COX6B1: variants seen among roughly 807,000 people sequenced by gnomAD.
The protein encoded by COX6B1 is cytochrome c oxidase subunit 6B1, also known as COX VIb-1.
Under a neutral mutation model 14.0 loss-of-function variants are expected in COX6B1, and 2 were observed. That is an observed-to-expected ratio of 0.14 (90% CI 0.06 to 0.45). The LOEUF (loss-of-function observed/expected upper bound fraction) is 0.45, where lower values mean the gene tolerates loss of function less well. COX6B1 is among the 20% of genes least tolerant of loss of function. COX6B1 has a pLI of 0.98. For missense variants in COX6B1, 81 were observed against 114.2 expected, an observed-to-expected ratio of 0.71 and a Z score of 1.33; for synonymous variants, 30 against 39.7, an observed-to-expected ratio of 0.76 and a Z score of 0.92.
intron 2 of COX6B1, 26 bp from the exon 3 acceptor site, chr19:35,654,545 G>T: frequency 3.1e-6 from 5 of 1,603,036 alleles, no homozygotes; most frequent in Non-Finnish European, 4.3e-6. Context: ...CTTGATCTGG[G>T]CTGACTTGAA....
chr19:35,655,905 T>G (rs1967884554), intron 3 of COX6B1, among the ~76,000 whole-genome samples: 2 of 151,884 alleles, frequency 1.3e-5, no homozygotes, highest in Non-Finnish European at 2.9e-5. Flanking sequence ...TTGCCCAGAC[T>G]GGAGTGCAGT....
At chr19:35,651,387 A>G in intron 2 of COX6B1, 38 bp downstream of exon 2, 1 of 1,511,800 alleles carries the variant, frequency 6.6e-7, no homozygotes. Flanking sequence ...ACCTCGAGTC[A>G]CTCACCGCTT....
At chr19:35,648,981 G>C (rs1052590695) in intron 1 of COX6B1, 4 of 528,668 alleles carry the variant, frequency 7.6e-6, no homozygotes, top group Non-Finnish European at 1.6e-5. Context: ...CCGAAAGACT[G>C]TTTTAGTGCT....
chr19:35,657,221 G>A (rs771390220), intron 3 of COX6B1, among the ~76,000 whole-genome samples: 1 of 151,612 alleles, frequency 6.6e-6, no homozygotes, highest in African/African-American at 2.4e-5. Context: ...TCCCATCTGG[G>A]GGTGATGGGA....
chr19:35,655,279 C>G (rs1002809803), intron 3 of COX6B1, among the ~76,000 whole-genome samples: 2 of 152,166 alleles, frequency 1.3e-5, no homozygotes, highest in South Asian at 2.1e-4. Flanking sequence ...CCACCTGCCT[C>G]GGCCTCCCAG....
At chr19:35,651,212 A>G (rs2146369929) in intron 1 of COX6B1, 21 bp from the exon 2 acceptor site, 1 of 1,556,024 alleles carries the variant, frequency 6.4e-7, no homozygotes, top group Non-Finnish European at 8.9e-7. Context: ...CCCTGCTGAC[A>G]CCCACTCCTT....
At position 35,658,660 on chromosome 19, in the gene COX6B1, T is replaced by C. The variant is rs769120723; in HGVS notation, c.*13T>C. ...CGGGAAGATCTGAACTGGCTGCATC[T>C]CCCTTTCCTCTGTCCTCCATCCTTC... On this transcript the variant is annotated 3_prime_UTR_variant, in exon 4 of 4. Coordinates refer to ENST00000649813, the MANE Select transcript of COX6B1 (RefSeq NM_001863.5). 1 of 1,613,060 alleles carries C rather than the reference T, an allele frequency of 6.2e-7. No individual in the cohort carries two copies. Among genetic ancestry groups the C allele is most frequent in the East Asian group, 2.2e-5 (1 of 44,868 alleles).
At chr19:35,651,427 GCCT>G (rs1337729998) in intron 2 of COX6B1, 78 bp downstream of exon 2, 2 of 1,045,454 alleles carry the variant, frequency 1.9e-6, no homozygotes, top group Admixed American at 3.8e-5. Context: ...ATCCACCCCA[GCCT>G]CCTCCCTTTT....
At chr19:35,654,467 C>A in intron 2 of COX6B1, 104 bp from the exon 3 acceptor site, 1 of 915,626 alleles carries the variant, frequency 1.1e-6, no homozygotes, top group Non-Finnish European at 1.8e-6. Flanking sequence ...GAGATCGCAC[C>A]ACTGCACTCC....
intron 3 of COX6B1, among the ~76,000 whole-genome samples, chr19:35,656,968 C>T (rs1363647132): frequency 6.6e-6 from 1 of 152,138 alleles, no homozygotes; most frequent in Non-Finnish European, 1.5e-5. Flanking sequence ...GTTATCCATG[C>T]TTTCATCCAC....
intron 3 of COX6B1, among the ~76,000 whole-genome samples, chr19:35,658,195 T>C (rs1967908397): frequency 1.3e-5 from 2 of 152,294 alleles, no homozygotes; most frequent in South Asian, 4.1e-4. Context: ...TGAAGATCCA[T>C]CCATTCATGC....
intron 2 of COX6B1, among the ~76,000 whole-genome samples, chr19:35,653,667 G>A (rs1389169858): frequency 6.7e-6 from 1 of 148,956 alleles, no homozygotes; most frequent in Non-Finnish European, 1.5e-5. Flanking sequence ...TGCAAGCTCC[G>A]CCTCCTGGGT....
Position 35,658,679 on chromosome 19 carries a change from A to C in COX6B1, c.*32A>C. ...TGCATCTCCCTTTCCTCTGTCCTCC[A>C]TCCTTCTCCCAGGATGGTGAAGGGG... On this transcript the variant is annotated 3_prime_UTR_variant, in exon 4 of 4. Coordinates refer to ENST00000649813, the MANE Select transcript of COX6B1 (RefSeq NM_001863.5). 1 of 1,608,394 alleles carries C rather than the reference A, an allele frequency of 6.2e-7. No individual in the cohort carries two copies. Among genetic ancestry groups the C allele is most frequent in the Non-Finnish European group, 8.5e-7 (1 of 1,175,022 alleles).
chr19:35,650,853 C>T (rs988754812), intron 1 of COX6B1, among the ~76,000 whole-genome samples: 1 of 152,086 alleles, frequency 6.6e-6, no homozygotes. Context: ...GCCGTTTAAC[C>T]GTAGGAAGTC....
chr19:35,651,218 T>G lies in COX6B1; in HGVS notation c.-11-15T>G, dbSNP rs761908641. ...CCCTGGGGCCCCTGCTGACACCCAC[T>G]CCTTTCGCCTCCAGGATTCAGCACC... On this transcript the variant is annotated splice_polypyrimidine_tract_variant and intron_variant, in intron 1 of 3. Coordinates refer to ENST00000649813, the MANE Select transcript of COX6B1 (RefSeq NM_001863.5). 2 of 1,583,378 alleles carry G rather than the reference T, an allele frequency of 1.3e-6. No homozygotes were observed. Among genetic ancestry groups the G allele is most frequent in the South Asian group, 2.2e-5 (2 of 90,482 alleles).
chr19:35,650,249 C>T (rs145603498), intron 1 of COX6B1, among the ~76,000 whole-genome samples: 2,992 of 152,202 alleles, frequency 0.02, 56 homozygotes, highest in South Asian at 0.11. Context: ...GGTGATCCAC[C>T]CCCCTGGCCT....
At chr19:35,653,000 G>A (rs1197787353) in intron 2 of COX6B1, among the ~76,000 whole-genome samples, 7 of 131,928 alleles carry the variant, frequency 5.3e-5, no homozygotes, top group African/African-American at 1.2e-4. Flanking sequence ...ACGGAGTCTC[G>A]CTTTGTCGCC....
chr19:35,649,148 T>C (rs1219475162), intron 1 of COX6B1, among the ~76,000 whole-genome samples: 2 of 152,066 alleles, frequency 1.3e-5, no homozygotes, highest in African/African-American at 4.8e-5. Context: ...ATATTAAAGG[T>C]GTTTAACCCT....
chr19:35,658,225 GT>G (rs200839110), intron 3 of COX6B1, among the ~76,000 whole-genome samples: 1 of 151,822 alleles, frequency 6.6e-6, no homozygotes, highest in Non-Finnish European at 1.5e-5. Flanking sequence ...AATCAGCCTC[GT>G]TTTTTTTCAC....
Sources: allele counts gnomAD v4.1 joint callset (sites outside exome capture counted in the v4.1 genomes callset), GRCh38; gene constraint gnomAD v4.1.1; transcripts MANE v1.5; gene names NCBI Gene and HGNC (gene_info 2026-07-23, HGNC 2026-07-21).